FERMT1: variants seen among roughly 807,000 people sequenced by gnomAD.
FERMT1 encodes the protein FERM domain containing kindlin 1.
In FERMT1, 60 loss-of-function variants were observed where a neutral mutation model predicts 85.3. The ratio of observed to expected loss-of-function variants is 0.70; its 90% CI spans 0.57 to 0.87. The LOEUF is 0.87. Ranked by LOEUF, FERMT1 falls within the 40% of genes least tolerant of loss-of-function variation. The probability of loss-of-function intolerance (pLI) is 0.00; values close to 1 mark genes in which losing one functional copy is unlikely to be tolerated. For missense variants in FERMT1, 701 were observed against 818.9 expected (o/e 0.86, Z 1.76); for synonymous variants, 275 against 301.1 (o/e 0.91, Z 0.90).
intron 9 of FERMT1, among the ~76,000 whole-genome samples, chr20:6,091,504 T>A (rs1403952698): frequency 6.6e-6 from 1 of 152,144 alleles, no homozygotes; most frequent in African/African-American, 2.4e-5. Context: ...AGTGCTGGGA[T>A]TACAGGCATG....
intron 6 of FERMT1, among the ~76,000 whole-genome samples, chr20:6,101,796 G>A (rs1036563268): frequency 5.3e-5 from 8 of 151,778 alleles, no homozygotes; most frequent in South Asian, 2.1e-4. Context: ...GGGATTACAC[G>A]AGCCCGCCTC....
Position 6,104,513 on chromosome 20 carries a change from C to A in FERMT1, c.849+3019G>T, listed in dbSNP as rs1177266812. On this transcript the variant is annotated intron_variant, in intron 6 of 14. Coordinates refer to ENST00000217289, the MANE Select transcript of FERMT1 (RefSeq NM_017671.5). This position sits in a 1 kb window ranked among gnomAD's most constrained non-coding sequence, Gnocchi z 4.2. ...ATTTTGAGAGAGGGGGAAGGGAATA[C>A]TGCCATAAGTACTAAAGTGGTTGAG... 6.6e-6 allele frequency among the ~76,000 whole-genome samples: 1 copy of A among 152,208 alleles called. No homozygotes were observed. Among genetic ancestry groups the A allele is most frequent in the Non-Finnish European group, 1.5e-5 (1 of 68,040 alleles).
intron 9 of FERMT1, among the ~76,000 whole-genome samples, chr20:6,092,449 G>A (rs551940963): frequency 9.4e-4 from 143 of 152,228 alleles, no homozygotes; most frequent in African/African-American, 3.2e-3. Context: ...GGGTTGAGGT[G>A]GGAGGACCGC....
At position 6,115,811 on chromosome 20, in the gene FERMT1, T is replaced by A; in HGVS notation, c.385A>T (p.Asn129Tyr). The A allele has an allele frequency of 6.2e-7, 1 of 1,609,060 alleles. No individual in the cohort carries two copies. The highest frequency in any genetic ancestry group is 8.5e-7 in the Non-Finnish European group (1 of 1,175,362). Residue 129 changes from asparagine to tyrosine, a missense_variant and splice_region_variant, in exon 3 of 15, where the codon AAT becomes TAT. By Grantham distance (143) the Asn-to-Tyr change is moderately radical. Transcript: ENST00000217289. ...KAVSDICKILNIRRSEELSLL... is the reference protein window; with the variant it reads ...KAVSDICKILYIRRSEELSLL... ...ACAGGGGCCTTTCCTGGGTACTTAC[T>A]CAGGATTTTGCAGATATCACTGACA... is the stretch of plus-strand genomic sequence containing the variant.
rs11405989 is a variant in FERMT1, at chr20:6,075,049, GTTTTTT to G, written c.*2118_*2123del. 153 of 129,210 alleles carry G rather than the reference GTTTTTT, an allele frequency of 1.2e-3. No individual in the cohort carries two copies. The highest frequency in any genetic ancestry group is 4.5e-3 in the African/African-American group (139 of 30,804). 8.0% of individuals were successfully genotyped at this position (129,210 alleles called of 1,614,324 possible). A position where few individuals can be genotyped will look rare whatever the true frequency, so the allele number is the denominator to read the frequency against. On this transcript the variant is annotated 3_prime_UTR_variant, in exon 15 of 15. Transcript: ENST00000217289. ...CTTTGGAACAGTAGCATTTAGGTTT[GTTTTTT>G]TTTTTTTTTGTCACACTTGTTTATT...
At position 6,099,834 on chromosome 20, in the gene FERMT1, A is replaced by C. The variant is rs1982611853; in HGVS notation, c.850-2203T>G. Among the ~76,000 whole-genome samples the C allele has an allele frequency of 6.4e-5, 8 of 124,612 alleles. No individual in the cohort carries two copies. The South Asian group carries it at 2.2e-3, about 35-fold the overall frequency. The allele number at this position is 124,612 out of a possible 152,430, so 81.8% of individuals were successfully genotyped here. A position where few individuals can be genotyped will look rare whatever the true frequency, so the allele number is the denominator to read the frequency against. ...AACATGATGAGTCACTGTTTCTAAA[A>C]AAAAAAAAAAAAAAAAAATTATCCA... On this transcript the variant is annotated intron_variant, in intron 6 of 14. Coordinates refer to ENST00000217289, the MANE Select transcript of FERMT1 (RefSeq NM_017671.5).
chr20:6,098,456 A>G (rs1982568748), intron 6 of FERMT1, among the ~76,000 whole-genome samples: 1 of 151,990 alleles, frequency 6.6e-6, no homozygotes, highest in African/African-American at 2.4e-5. Flanking sequence ...AGATATTAAA[A>G]CCTATTATAA....
rs35242103 is a variant in FERMT1 at position 6,083,706 on chromosome 20, CAAAA to C, written c.1718+330_1718+333del. 4.0e-4 allele frequency among the ~76,000 whole-genome samples: 33 copies of C among 82,068 alleles called. No individual in the cohort carries two copies. In the Middle Eastern group the frequency reaches 0.018, roughly 45 times the overall value. The allele number at this position is 82,068 out of a possible 152,430, so 53.8% of individuals were successfully genotyped here. A position where few individuals can be genotyped will look rare whatever the true frequency, so the allele number is the denominator to read the frequency against. Reference sequence around the variant, plus strand: ...CACCCGATCTCTTAAAAAAAAAAAACAAAAAAAAAAAAACCGAAAAGAAGTTACA... The same window carrying C: ...CACCCGATCTCTTAAAAAAAAAAAACAAAAAAAAACCGAAAAGAAGTTACA... On this transcript the variant is annotated intron_variant, in intron 13 of 14. Coordinates refer to ENST00000217289, the MANE Select transcript of FERMT1 (RefSeq NM_017671.5).
intron 2 of FERMT1, among the ~76,000 whole-genome samples, chr20:6,117,399 G>T (rs566946358): frequency 6.8e-6 from 1 of 146,016 alleles, no homozygotes; most frequent in Non-Finnish European, 1.5e-5. Flanking sequence ...CTCCCAAGTA[G>T]CTGGGATTAC....
Position 6,088,029 on chromosome 20 carries a change from A to C in FERMT1, c.1265-146T>G. The C allele has an allele frequency of 8.9e-6, 6 of 676,034 alleles. No individual in the cohort carries two copies. In the Admixed American group the frequency reaches 1.1e-4, roughly 13 times the overall value. The allele number at this position is 676,034 out of a possible 1,614,324, so 41.9% of individuals were successfully genotyped here. On this transcript the variant is annotated intron_variant, in intron 10 of 14. Coordinates refer to ENST00000217289, the MANE Select transcript of FERMT1 (RefSeq NM_017671.5). The stretch of plus-strand genomic sequence containing the variant: ...AATGGAGGAGCAAGCTGATAACATT[A>C]ATTAATGGATAATTAGATAAATCTT...
chr20:6,117,817 G>C (rs1381617766), intron 2 of FERMT1, among the ~76,000 whole-genome samples: 2 of 149,648 alleles, frequency 1.3e-5, no homozygotes, highest in Admixed American at 6.6e-5. Flanking sequence ...AAAGTGCTGG[G>C]ATTACAGGAA....
intron 6 of FERMT1, among the ~76,000 whole-genome samples, chr20:6,105,954 T>G (rs1982784889): frequency 6.6e-6 from 1 of 152,008 alleles, no homozygotes; most frequent in Non-Finnish European, 1.5e-5. Context: ...ATAGCTTAAA[T>G]TAAGAGTTAA....
intron 10 of FERMT1, among the ~76,000 whole-genome samples, chr20:6,088,400 G>A (rs1327393587): frequency 4.6e-5 from 7 of 152,130 alleles, no homozygotes; most frequent in Non-Finnish European, 1.0e-4. Context: ...CTATACTCTT[G>A]GACATGAATT....
At chr20:6,099,814 G>C (rs547613123) in intron 6 of FERMT1, among the ~76,000 whole-genome samples, 21 of 141,402 alleles carry the variant, frequency 1.5e-4, no homozygotes, top group South Asian at 9.1e-4. Context: ...TAGGCAACAT[G>C]ATGAGTCACT....
At chr20:6,113,298 TC>T (rs1459391635) in intron 3 of FERMT1, among the ~76,000 whole-genome samples, 1 of 152,160 alleles carries the variant, frequency 6.6e-6, no homozygotes, top group Non-Finnish European at 1.5e-5. Flanking sequence ...TAAACTTCTT[TC>T]TTTTGTAAAT....
chr20:6,083,655 A>ACC lies in FERMT1; in HGVS notation c.1718+383_1718+384dup, dbSNP rs1555799162. ...ACCAGCCTGGGCGGCAAAATGAGAC[A>ACC]CCCCCCCCCCCGGCCACCCTCCCCA... On this transcript the variant is annotated intron_variant, in intron 13 of 14. Coordinates refer to ENST00000217289, the MANE Select transcript of FERMT1 (RefSeq NM_017671.5). Among the ~76,000 whole-genome samples the ACC allele has an allele frequency of 3.3e-3, 225 of 67,180 alleles. 1 individual carries two copies. Among genetic ancestry groups the ACC allele is most frequent in the African/African-American group, 7.0e-3 (124 of 17,786 alleles). The allele number at this position is 67,180 out of a possible 152,430, so 44.1% of individuals were successfully genotyped here.
At chr20:6,114,958 G>A (rs1477005910) in intron 3 of FERMT1, among the ~76,000 whole-genome samples, 4 of 152,150 alleles carry the variant, frequency 2.6e-5, no homozygotes, top group Non-Finnish European at 5.9e-5. Context: ...AGCTCCAGGT[G>A]GCAGGGATTT....
At chr20:6,109,311 C>T (rs915609251) in intron 5 of FERMT1, among the ~76,000 whole-genome samples, 4 of 152,100 alleles carry the variant, frequency 2.6e-5, no homozygotes, top group Non-Finnish European at 5.9e-5. Flanking sequence ...GTGGTTGGGC[C>T]TTAAATGACA....
In FERMT1 at chr20:6,084,124, T is replaced by C. The variant is rs1982092989; in HGVS notation, c.1634A>G (p.Gln545Arg). The C allele has an allele frequency of 6.2e-7, 1 of 1,613,682 alleles. No homozygotes were observed. Among genetic ancestry groups the C allele is most frequent in the Non-Finnish European group, 8.5e-7 (1 of 1,179,816 alleles). The change falls in exon 13 of 15, where the codon CAG (glutamine) becomes CGG (arginine). Residue 545 changes from glutamine (Q) to arginine (R), a missense_variant. Physicochemically the swap from Gln to Arg is conservative, Grantham distance 43. Coordinates refer to ENST00000217289, the MANE Select transcript of FERMT1 (RefSeq NM_017671.5). ...CAGCTTGGCTTCGACCAGGGGCATC[T>C]GGGCCACGTTCTGGTGCGCCTCCAG... ...RILEAHQNVAQMPLVEAKLRF... is the reference protein window; with the variant it reads ...RILEAHQNVARMPLVEAKLRF...
Sources: allele counts gnomAD v4.1 joint callset (sites outside exome capture counted in the v4.1 genomes callset), GRCh38; gene constraint gnomAD v4.1.1; non-coding constraint Gnocchi (gnomAD v3.1); transcripts MANE v1.5; gene names NCBI Gene and HGNC (gene_info 2026-07-23, HGNC 2026-07-21).